The following LINGO2 variants were observed in gnomAD, a reference collection of about 807,000 sequenced individuals.
The protein encoded by LINGO2 is leucine-rich repeat and immunoglobulin-like domain-containing nogo receptor-interacting protein 2.
LINGO2 carries 14 observed loss-of-function variants against 30.6 expected under a neutral mutation model. That is an observed-to-expected ratio of 0.46 (90% CI 0.30 to 0.72). The LOEUF is 0.72. LINGO2 is among the 30% of genes least tolerant of loss of function. The pLI, the probability that LINGO2 is intolerant of heterozygous loss-of-function variation, is 0.07. For synonymous variants in LINGO2, 317 were observed against 288.5 expected (o/e 1.10, Z -1.00); for missense variants, 729 against 751.7 (o/e 0.97, Z 0.35).
chr9:28,605,647 GCTT>G (rs549826677), intron 1 of LINGO2, among the ~76,000 whole-genome samples: 220 of 152,140 alleles, frequency 1.4e-3, no homozygotes, highest in Admixed American at 6.2e-3. Context: ...CCTAAGTTAA[GCTT>G]CTTCTTCTTC....
At chr9:28,960,890 C>A in the LINGO2 span, among the ~76,000 whole-genome samples, 1 of 151,484 alleles carries the variant, frequency 6.6e-6, no homozygotes, top group Non-Finnish European at 1.5e-5. Flanking sequence ...CTCAAGACAC[C>A]TTTATTTAAA....
chr9:28,786,861 T>TA, the LINGO2 span, among the ~76,000 whole-genome samples: 1 of 152,126 alleles, frequency 6.6e-6, no homozygotes, highest in Non-Finnish European at 1.5e-5. Flanking sequence ...TTTTGACGGG[T>TA]AAGCAGGAAC....
the LINGO2 span, among the ~76,000 whole-genome samples, chr9:29,181,941 A>G: frequency 6.6e-6 from 1 of 152,232 alleles, no homozygotes. Context: ...GCCAGACTCC[A>G]TGCAGTTTTG....
chr9:28,360,080 T>C (rs1023633379), intron 3 of LINGO2, among the ~76,000 whole-genome samples: 1 of 152,178 alleles, frequency 6.6e-6, no homozygotes, highest in African/African-American at 2.4e-5. Flanking sequence ...AGGTAAGAGA[T>C]CATGGTTGTA....
chr9:28,267,100 G>A (rs952458546), intron 4 of LINGO2, among the ~76,000 whole-genome samples: 7 of 151,956 alleles, frequency 4.6e-5, no homozygotes, highest in African/African-American at 1.4e-4. Context: ...CGAGGAGGAT[G>A]AGCAAGAAAA....
intron 1 of LINGO2, among the ~76,000 whole-genome samples, chr9:28,538,533 C>A (rs566380750): frequency 1.3e-5 from 2 of 152,154 alleles, no homozygotes; most frequent in East Asian, 3.9e-4. Flanking sequence ...ACTTGACTAA[C>A]GTATTAGTCC....
chr9:28,441,251 C>CTTTTTTTTTTTTTTTTTT (rs72213590), intron 2 of LINGO2, among the ~76,000 whole-genome samples: 2 of 36,286 alleles, frequency 5.5e-5, no homozygotes, highest in African/African-American at 9.3e-5. Flanking sequence ...TCATTGGAGG[C>CTTTTTTTTTTTTTTTTTT]TTTTTTTTTT....
chr9:28,094,520 T>G (rs561867508), intron 4 of LINGO2, among the ~76,000 whole-genome samples: 1 of 151,088 alleles, frequency 6.6e-6, no homozygotes, highest in African/African-American at 2.5e-5. Context: ...GATATGTGTG[T>G]GTGTGTGTGA....
the LINGO2 span, among the ~76,000 whole-genome samples, chr9:29,055,936 G>GTATATATATATATATATATATACATA: frequency 8.2e-6 from 1 of 121,862 alleles, no homozygotes; most frequent in Non-Finnish European, 1.8e-5. Context: ...GTGTATGTGT[G>GTATATATATATATATATATATACATA]TGTGTATATA....
intron 1 of LINGO2, among the ~76,000 whole-genome samples, chr9:28,629,068 C>T (rs958624645): frequency 3.9e-5 from 6 of 152,072 alleles, no homozygotes; most frequent in Non-Finnish European, 5.9e-5. Flanking sequence ...TGTACTCTGT[C>T]TTACTTCCAC....
intron 4 of LINGO2, among the ~76,000 whole-genome samples, chr9:28,021,382 A>C (rs573516809): frequency 1.1e-4 from 17 of 152,166 alleles, no homozygotes. Context: ...ATTCTTATTA[A>C]AGTTTTTGAG....
intron 4 of LINGO2, among the ~76,000 whole-genome samples, chr9:28,117,138 C>T (rs539050012): frequency 3.6e-4 from 53 of 149,242 alleles, no homozygotes; most frequent in Admixed American, 2.6e-3. Context: ...CAGACAGGAC[C>T]CTCAGCTGCA....
chr9:27,943,069 G>GA, the LINGO2 span: 1 of 151,630 alleles, frequency 6.6e-6, no homozygotes, highest in Admixed American at 6.6e-5. Flanking sequence ...TGTAAAGAAT[G>GA]AAAAATTTTT....
intron 2 of LINGO2, among the ~76,000 whole-genome samples, chr9:28,430,087 C>T (rs1456093690): frequency 1.4e-5 from 2 of 139,108 alleles, no homozygotes; most frequent in Non-Finnish European, 3.1e-5. Flanking sequence ...GAGGGAGAGG[C>T]TGATTTCCAC....
the LINGO2 span, among the ~76,000 whole-genome samples, chr9:29,105,311 T>A: frequency 6.6e-6 from 1 of 152,186 alleles, no homozygotes; most frequent in Non-Finnish European, 1.5e-5. Context: ...CCAGTCAAGA[T>A]GCAACCAAGC....
the LINGO2 span, among the ~76,000 whole-genome samples, chr9:28,790,726 A>G: frequency 2.6e-4 from 39 of 152,192 alleles, no homozygotes; most frequent in South Asian, 3.7e-3. Flanking sequence ...TTACATTTAC[A>G]TAACTTTTAT....
intron 4 of LINGO2, among the ~76,000 whole-genome samples, chr9:28,101,193 G>A (rs534949632): frequency 6.6e-6 from 1 of 151,914 alleles, no homozygotes; most frequent in Non-Finnish European, 1.5e-5. Flanking sequence ...GATACATATG[G>A]TCTCCCTCTC....
At chr9:28,974,133 G>A in the LINGO2 span, among the ~76,000 whole-genome samples, 1 of 152,194 alleles carries the variant, frequency 6.6e-6, no homozygotes, top group South Asian at 2.1e-4. Context: ...TAGAGGCTGG[G>A]TGTGGTGGCT....
At chr9:28,713,613 A>G in the LINGO2 span, among the ~76,000 whole-genome samples, 1 of 152,082 alleles carries the variant, frequency 6.6e-6, no homozygotes, top group African/African-American at 2.4e-5. Flanking sequence ...CTGTGTTTAC[A>G]TGTGTATTTT....
Sources: allele counts gnomAD v4.1 joint callset (sites outside exome capture counted in the v4.1 genomes callset), GRCh38; gene constraint gnomAD v4.1.1; transcripts MANE v1.5; gene names NCBI Gene and HGNC (gene_info 2026-07-23, HGNC 2026-07-21).